Variants in CYP1A2 observed in about 807,000 individuals in gnomAD.
CYP1A2 encodes cytochrome P450 1A2.
Under a neutral mutation model 34.7 loss-of-function variants are expected in CYP1A2, and 35 were observed. That is an observed-to-expected ratio of 1.01 (90% CI 0.77 to 1.34). The LOEUF (loss-of-function observed/expected upper bound fraction) is 1.34, where lower values mean the gene tolerates loss of function less well. Among genes scored for constraint, CYP1A2 ranks in the 40% most tolerant of loss-of-function variants. The pLI, the probability that CYP1A2 is intolerant of heterozygous loss-of-function variation, is 0.00. For missense variants in CYP1A2, 675 were observed against 675.8 expected (o/e 1.00, Z 0.01); for synonymous variants, 288 against 281.9 (o/e 1.02, Z -0.22).
intron 1 of CYP1A2, among the ~76,000 whole-genome samples, chr15:74,749,478 T>C (rs2063303637): frequency 6.6e-6 from 1 of 152,098 alleles, no homozygotes. Flanking sequence ...GAAACTGAGA[T>C]GATGTGTGGA....
chr15:74,749,605 T>C (rs2063304193), intron 1 of CYP1A2, 125 bp from the exon 2 acceptor site: 5 of 785,780 alleles, frequency 6.4e-6, no homozygotes, highest in Non-Finnish European at 1.0e-5. Context: ...GAGCTTAGTC[T>C]TTCTGGTATC....
At chr15:74,753,054 T>TCCTCC in intron 5 of CYP1A2, 130 bp from the exon 6 acceptor site, 1 of 627,196 alleles carries the variant, frequency 1.6e-6, no homozygotes, top group Admixed American at 2.7e-5. Flanking sequence ...TCTTCCCTGT[T>TCCTCC]CCTCCCCTCC....
At position 74,749,976 on chromosome 15, in the gene CYP1A2, A is replaced by T; in HGVS notation, c.238A>T (p.Ile80Phe). 6.2e-7 allele frequency: 1 copy of T among 1,614,068 alleles called. No individual in the cohort carries two copies. Among genetic ancestry groups the T allele is most frequent in the Non-Finnish European group, 8.5e-7 (1 of 1,179,996 alleles). ...CTACGGGGACGTCCTGCAGATCCGC[A>T]TTGGCTCCACGCCCGTGCTGGTGCT... ...QRYGDVLQIRIGSTPVLVLSR... is the reference protein window; with the variant it reads ...QRYGDVLQIRFGSTPVLVLSR... Residue 80 changes from isoleucine to phenylalanine, a missense_variant, in exon 2 of 7, where the codon ATT (isoleucine) becomes TTT (phenylalanine). Transcript: ENST00000343932.
intron 3 of CYP1A2, 107 bp from the exon 4 acceptor site, chr15:74,751,658 G>C (rs776200318): frequency 1.7e-5 from 20 of 1,145,492 alleles, no homozygotes; most frequent in Non-Finnish European, 2.5e-5. Flanking sequence ...TCACAGGCTA[G>C]GGCCAGAGAA....
chr15:74,749,826 G>T lies in CYP1A2; in HGVS notation c.88G>T (p.Gly30Cys), dbSNP rs765154807. The T allele has an allele frequency of 1.9e-6, 3 of 1,603,828 alleles. No homozygotes were observed. Among genetic ancestry groups the T allele is most frequent in the African/African-American group, 2.7e-5 (2 of 74,720 alleles). ...CTGCCTGGTATTCTGGGTGCTCAAG[G>T]GTTTGAGGCCTCGGGTCCCCAAAGG... ...IFCLVFWVLK[G>C]LRPRVPKGLK... is the part of the protein sequence containing the mutation. Residue 30 changes from glycine to cysteine, a missense_variant, in exon 2 of 7, where the codon GGT (glycine) becomes TGT (cysteine). Physicochemically the swap from Gly to Cys is radical, Grantham distance 159. Coordinates refer to ENST00000343932, the MANE Select transcript of CYP1A2 (RefSeq NM_000761.5).
intron 5 of CYP1A2, 97 bp from the exon 6 acceptor site, chr15:74,753,087 T>A (rs1009255509): frequency 4.8e-6 from 4 of 834,502 alleles, no homozygotes; most frequent in Non-Finnish European, 7.9e-6. Context: ...GGGATGGAGA[T>A]GGCGGTGGGC....
Position 74,750,577 on chromosome 15 carries a change from C to CG in CYP1A2, c.831+12dup. ...TATCAGGACTTTGACAAGGTGAGCC[C>CG]GGGGTGCAGGTGGCAAGGGGCACCT... On this transcript the variant is annotated intron_variant, in intron 2 of 6. Coordinates refer to ENST00000343932, the MANE Select transcript of CYP1A2 (RefSeq NM_000761.5). 5 of 1,610,436 alleles carry CG rather than the reference C, an allele frequency of 3.1e-6. No homozygotes were observed. Among genetic ancestry groups the CG allele is most frequent in the Non-Finnish European group, 3.4e-6 (4 of 1,177,132 alleles).
chr15:74,750,838 G>C (rs527607611), intron 2 of CYP1A2, among the ~76,000 whole-genome samples: 1 of 152,274 alleles, frequency 6.6e-6, no homozygotes, highest in Admixed American at 6.5e-5. Flanking sequence ...TGCAATGTGG[G>C]GGGCCTATGA....
chr15:74,751,387 G>T lies in CYP1A2; in HGVS notation c.952+78G>T, dbSNP rs45484991. On this transcript the variant is annotated intron_variant, in intron 3 of 6. Transcript: ENST00000343932. ...AGCCTTGCCCAGCCCCTCAGTCCATGAAATAACCCACCAACCCTACACCAG... is the reference window on the plus strand; with the variant it reads ...AGCCTTGCCCAGCCCCTCAGTCCATTAAATAACCCACCAACCCTACACCAG... 1.3e-5 allele frequency: 21 copies of T among 1,579,274 alleles called. 1 individual carries two copies. The highest frequency in any genetic ancestry group is 6.7e-5 in the East Asian group (3 of 44,758).
At chr15:74,754,052 G>GTCTT (rs1387357018) in intron 6 of CYP1A2, among the ~76,000 whole-genome samples, 4 of 152,050 alleles carry the variant, frequency 2.6e-5, no homozygotes, top group Non-Finnish European at 5.9e-5. Context: ...AGAAACGTAT[G>GTCTT]TCTTTCTTTC....
chr15:74,751,867 C>T lies in CYP1A2; in HGVS notation c.1042+13C>T, dbSNP rs944894871. On this transcript the variant is annotated intron_variant, in intron 4 of 6. Transcript: ENST00000343932. ...CAGAAGGAGCTGGGTACATGGGGGC[C>T]CCCAACCCTATAGCCAGGAGAAGCC... is the stretch of plus-strand genomic sequence containing the variant. The T allele has an allele frequency of 2.5e-6, 4 of 1,612,332 alleles. No individual in the cohort carries two copies. The highest frequency in any genetic ancestry group is 3.4e-6 in the Non-Finnish European group (4 of 1,179,362).
At position 74,755,739 on chromosome 15, in the gene CYP1A2, C is replaced by T. The variant is rs2063335732; in HGVS notation, c.*651C>T. The T allele has an allele frequency of 6.6e-6, 1 of 152,148 alleles. No homozygotes were observed. The highest frequency in any genetic ancestry group is 6.6e-5 in the Admixed American group (1 of 15,266). 9.4% of individuals were successfully genotyped at this position (152,148 alleles called of 1,614,324 possible). A position where few individuals can be genotyped will look rare whatever the true frequency, so the allele number is the denominator to read the frequency against. On this transcript the variant is annotated 3_prime_UTR_variant, in exon 7 of 7. Coordinates refer to ENST00000343932, the MANE Select transcript of CYP1A2 (RefSeq NM_000761.5). Reference sequence around the variant, plus strand: ...CTGGGATTACAGGTGTGAGCCACCACATCCAGCCTAACTTACATTCTTAAA... The same window carrying T: ...CTGGGATTACAGGTGTGAGCCACCATATCCAGCCTAACTTACATTCTTAAA...
Position 74,752,119 on chromosome 15 carries a change from TAC to T in CYP1A2, c.1043-3_1043-2del. The T allele has an allele frequency of 6.2e-7, 1 of 1,613,948 alleles. No homozygotes were observed. The highest frequency in any genetic ancestry group is 1.1e-5 in the South Asian group (1 of 91,080). Reference sequence around the variant, plus strand: ...TGAGCTCTGCTTGTCCTCTGTGTTCTACAGACACTGTGATTGGCAGGGAGCGG... The same window carrying T: ...TGAGCTCTGCTTGTCCTCTGTGTTCTAGACACTGTGATTGGCAGGGAGCGG... On this transcript the variant is annotated splice_region_variant and splice_polypyrimidine_tract_variant and intron_variant, in intron 4 of 6. Transcript: ENST00000343932.
At position 74,751,206 on chromosome 15, in the gene CYP1A2, C is replaced by A; in HGVS notation, c.849C>A (p.Ile283=). 1 of 1,614,102 alleles carries A rather than the reference C, an allele frequency of 6.2e-7. No individual in the cohort carries two copies. The highest frequency in any genetic ancestry group is 1.1e-5 in the South Asian group (1 of 91,078). ...QDFDKNSVRD[I]TGALFKHSKK... ...CCCCTCAGAACAGTGTCCGGGACAT[C>A]ACGGGTGCCCTGTTCAAGCACAGCA... The change falls in exon 3 of 7, where the codon ATC becomes ATA. Residue 283 remains isoleucine (I), a synonymous_variant. Transcript: ENST00000343932.
chr15:74,755,150 T>C lies in CYP1A2; in HGVS notation c.*62T>C, dbSNP rs1252566961. On this transcript the variant is annotated 3_prime_UTR_variant, in exon 7 of 7. Coordinates refer to ENST00000343932, the MANE Select transcript of CYP1A2 (RefSeq NM_000761.5). ...GGGGCCAGCCACGGGGACTCAGCCCTTGTTTCTCTTCCTTTCTTTTTTTAA... is the reference window on the plus strand; with the variant it reads ...GGGGCCAGCCACGGGGACTCAGCCCCTGTTTCTCTTCCTTTCTTTTTTTAA... 6.5e-7 allele frequency: 1 copy of C among 1,537,280 alleles called. No individual in the cohort carries two copies. Among genetic ancestry groups the C allele is most frequent in the African/African-American group, 1.4e-5 (1 of 73,132 alleles).
chr15:74,753,682 C>T (rs779688632), intron 6 of CYP1A2, among the ~76,000 whole-genome samples: 4 of 151,168 alleles, frequency 2.6e-5, no homozygotes, highest in East Asian at 3.9e-4. Context: ...TGCAGTGAGC[C>T]GAGATCGCTC....
intron 5 of CYP1A2, among the ~76,000 whole-genome samples, chr15:74,752,870 C>CTTTTTTT (rs4646426): frequency 2.1e-5 from 2 of 96,166 alleles, no homozygotes; most frequent in Admixed American, 1.3e-4. Context: ...CTGCCTGCTG[C>CTTTTTTT]TTTTTTTTTT....
At chr15:74,750,721 T>A in intron 2 of CYP1A2, 152 bp downstream of exon 2, 1 of 656,056 alleles carries the variant, frequency 1.5e-6, no homozygotes, top group Non-Finnish European at 2.6e-6. Context: ...TGGAGCCGAC[T>A]CTTCCCCTTC....
rs150164960 is a variant in CYP1A2 at position 74,749,961 on chromosome 15, G to A, written c.223G>A (p.Val75Ile). 221 of 1,613,988 alleles carry A rather than the reference G, an allele frequency of 1.4e-4. No individual in the cohort carries two copies. The highest frequency in any genetic ancestry group is 1.3e-3 in the African/African-American group (95 of 75,048). The change falls in exon 2 of 7, where the codon GTC (valine) becomes ATC (isoleucine). Residue 75 changes from valine (V) to isoleucine (I), a missense_variant. Transcript: ENST00000343932. ...LSRMSQRYGD[V>I]LQIRIGSTPV... Reference sequence around the variant, plus strand: ...AAGGATGAGCCAGCGCTACGGGGACGTCCTGCAGATCCGCATTGGCTCCAC... The same window carrying A: ...AAGGATGAGCCAGCGCTACGGGGACATCCTGCAGATCCGCATTGGCTCCAC...
Sources: allele counts gnomAD v4.1 joint callset (sites outside exome capture counted in the v4.1 genomes callset), GRCh38; gene constraint gnomAD v4.1.1; transcripts MANE v1.5; gene names NCBI Gene and HGNC (gene_info 2026-07-23, HGNC 2026-07-21).